The following PRSS36 variants were observed in gnomAD, a reference collection of about 807,000 sequenced individuals.
PRSS36 encodes the protein polyserase-2.
A neutral mutation model predicts 94.3 loss-of-function variants in PRSS36; 90 were observed. That is an observed-to-expected ratio of 0.95 (90% CI 0.80 to 1.14). PRSS36 has a LOEUF of 1.14. Among genes scored for constraint, PRSS36 ranks in the 50% most tolerant of loss-of-function variants. The probability of loss-of-function intolerance (pLI) is 0.00; values close to 1 mark genes in which losing one functional copy is unlikely to be tolerated. For synonymous variants in PRSS36, 500 were observed against 489.6 expected (o/e 1.02, Z -0.28); for missense variants, 1,158 against 1,135.0 (o/e 1.02, Z -0.29).
intron 11 of PRSS36, 33 bp from the exon 12 acceptor site, chr16:31,141,643 C>T: frequency 6.2e-7 from 1 of 1,610,014 alleles, no homozygotes; most frequent in Non-Finnish European, 8.5e-7. Context: ...TCAGTTGGGG[C>T]CCCATGGCTG....
intron 4 of PRSS36, 63 bp from the exon 5 acceptor site, chr16:31,148,738 G>A: frequency 4.4e-6 from 7 of 1,590,242 alleles, no homozygotes; most frequent in Non-Finnish European, 5.1e-6. Flanking sequence ...ACCCTCGTTG[G>A]GGGCAGGGGC....
Position 31,139,113 on chromosome 16 carries a change from G to T in PRSS36, c.*25C>A. 1 of 1,519,718 alleles carries T rather than the reference G, an allele frequency of 6.6e-7. No individual in the cohort carries two copies. Among genetic ancestry groups the T allele is most frequent in the Non-Finnish European group, 8.8e-7 (1 of 1,131,834 alleles). 94.1% of individuals were successfully genotyped at this position (1,519,718 alleles called of 1,614,324 possible). On this transcript the variant is annotated 3_prime_UTR_variant, in exon 15 of 15. Transcript: ENST00000268281. ...CGGGAAGTAGAGGGTGGAGAAGGGG[G>T]AAGTGGTGCTGGGACCCTAGCCCCT...
rs1017467799 is a variant in PRSS36 at position 31,149,733 on chromosome 16, T to C, written c.38-2A>G. 1 of 1,614,074 alleles carries C rather than the reference T, an allele frequency of 6.2e-7. No homozygotes were observed. Among genetic ancestry groups the C allele is most frequent in the African/African-American group, 1.3e-5 (1 of 74,928 alleles). On this transcript the variant is annotated splice_acceptor_variant, in intron 1 of 14. Coordinates refer to ENST00000268281, the MANE Select transcript of PRSS36 (RefSeq NM_173502.5). LOFTEE classifies it high-confidence loss of function. ...AGGCTCCTGGGATGGGACTGATGACTGGAAAGACAGAGGTAGGCAGGAAGA... is the reference window on the plus strand; with the variant it reads ...AGGCTCCTGGGATGGGACTGATGACCGGAAAGACAGAGGTAGGCAGGAAGA...
At position 31,149,148 on chromosome 16, in the gene PRSS36, T is replaced by C. The variant is rs1395343210; in HGVS notation, c.197A>G (p.His66Arg). 1 of 1,578,864 alleles carries C rather than the reference T, an allele frequency of 6.3e-7. No homozygotes were observed. Among genetic ancestry groups the C allele is most frequent in the South Asian group, 1.2e-5 (1 of 86,262 alleles). ...GCCCCCGCAGATGTGGCCACCTCCA[T>C]GGTGCAGGCTCACTTGCCAAGGCCA... is the stretch of plus-strand genomic sequence containing the variant. ...GTWPWQVSLH[H>R]GGGHICGGSL... The change falls in exon 4 of 15, where the codon CAT (histidine) becomes CGT (arginine). Residue 66 changes from histidine (H) to arginine (R), a missense_variant. Transcript: ENST00000268281.
In PRSS36 at chr16:31,139,390, G is replaced by C; in HGVS notation, c.2316C>G (p.Cys772Trp). 2 of 1,614,018 alleles carry C rather than the reference G, an allele frequency of 1.2e-6. No individual in the cohort carries two copies. Among genetic ancestry groups the C allele is most frequent in the Non-Finnish European group, 1.7e-6 (2 of 1,179,934 alleles). ...CEMTSAPPLL[C>W]QMTEGSWILV... ...GGATCCAGGACCCTTCCGTCATCTG[G>C]CACAGGAGGGGCGGTGCTGAGGTCA... Residue 772 changes from cysteine to tryptophan, a missense_variant, in exon 15 of 15, where the codon TGC (cysteine) becomes TGG (tryptophan). Coordinates refer to ENST00000268281, the MANE Select transcript of PRSS36 (RefSeq NM_173502.5).
Position 31,150,066 on chromosome 16 carries a change from T to G in PRSS36, c.-31A>C, listed in dbSNP as rs1189844601. 2 of 1,611,676 alleles carry G rather than the reference T, an allele frequency of 1.2e-6. No homozygotes were observed. The highest frequency in any genetic ancestry group is 4.5e-5 in the East Asian group (2 of 44,870). ...TAGAGTCAGCGGAGGCAGAGCCAAG[T>G]GAAGGTCTGCTCCCTGCAGGGCTCT... On this transcript the variant is annotated 5_prime_UTR_variant, in exon 1 of 15. Transcript: ENST00000268281.
intron 5 of PRSS36, among the ~76,000 whole-genome samples, chr16:31,147,090 C>G (rs962527643): frequency 4.6e-5 from 7 of 152,080 alleles, no homozygotes; most frequent in African/African-American, 1.7e-4. Flanking sequence ...CCTGGGCGTC[C>G]CTGGAGCTGG....
In PRSS36 at chr16:31,142,016, G is replaced by A. The variant is rs577240699; in HGVS notation, c.1522-56C>T. The A allele has an allele frequency of 1.3e-4, 200 of 1,506,478 alleles. No homozygotes were observed. In the African/African-American group the frequency reaches 2.5e-3, roughly 19 times the overall value. 93.3% of individuals were successfully genotyped at this position (1,506,478 alleles called of 1,614,324 possible). A position where few individuals can be genotyped will look rare whatever the true frequency, so the allele number is the denominator to read the frequency against. On this transcript the variant is annotated intron_variant, in intron 10 of 14. Coordinates refer to ENST00000268281, the MANE Select transcript of PRSS36 (RefSeq NM_173502.5). The stretch of plus-strand genomic sequence containing the variant: ...CTCTGCGTGTGTGCAGAGAATATCA[G>A]AGCTCCTGGGGCTTTCCAGGACTCC...
chr16:31,146,169 T>C (rs1310691400), intron 5 of PRSS36, among the ~76,000 whole-genome samples: 1 of 152,254 alleles, frequency 6.6e-6, no homozygotes, highest in Admixed American at 6.5e-5. Context: ...TAGTGAGAGC[T>C]GCCATGCATG....
At chr16:31,149,024 GGGGGCCAGCTTTTGGCGGAGA>G in intron 4 of PRSS36, 28 bp downstream of exon 4, 1 of 1,517,430 alleles carries the variant, frequency 6.6e-7, no homozygotes. Context: ...CTGCGGGGGC[GGGGGCCAGCTTTTGGCGGAGA>G]GGGGCCAGGA....
Position 31,148,692 on chromosome 16 carries a change from C to T in PRSS36, c.273-17G>A. On this transcript the variant is annotated splice_polypyrimidine_tract_variant and intron_variant, in intron 4 of 14. Transcript: ENST00000268281. ...GTCCCATTCCTGCGCTCGACCGGGG[C>T]AGTAGGAGGTTAGGTTGACCCTATG... 1.9e-6 allele frequency: 3 copies of T among 1,611,256 alleles called. No individual in the cohort carries two copies. The highest frequency in any genetic ancestry group is 2.5e-6 in the Non-Finnish European group (3 of 1,179,202).
rs372553600 is a variant in PRSS36 at position 31,139,262 on chromosome 16, G to A, written c.2444C>T (p.Pro815Leu). 2 of 1,614,164 alleles carry A rather than the reference G, an allele frequency of 1.2e-6. No homozygotes were observed. The highest frequency in any genetic ancestry group is 1.7e-6 in the Non-Finnish European group (2 of 1,180,012). Residue 815 changes from proline to leucine, a missense_variant, in exon 15 of 15, where the codon CCC becomes CTC. Pro to Leu is a moderately conservative substitution (Grantham distance 98). Transcript: ENST00000268281. ...QTVGEANFLP[P>L]SGSPHWPTGG... ...AGTGGGCCAGTGTGGGGAGCCACTG[G>A]GGGGCAGGAAGTTGGCCTCTCCCAC...
At chr16:31,146,064 C>T in intron 5 of PRSS36, 109 bp from the exon 6 acceptor site, 1 of 998,518 alleles carries the variant, frequency 1.0e-6, no homozygotes. Context: ...GCTAGATGCC[C>T]CATGGCCTCT....
chr16:31,140,555 G>C lies in PRSS36; in HGVS notation c.2104C>G (p.Pro702Ala). 1 of 1,590,284 alleles carries C rather than the reference G, an allele frequency of 6.3e-7. No individual in the cohort carries two copies. The highest frequency in any genetic ancestry group is 8.6e-7 in the Non-Finnish European group (1 of 1,168,044). Residue 702 changes from proline (P) to alanine (A), a missense_variant, in exon 13 of 15, where the codon CCG becomes GCG. Coordinates refer to ENST00000268281, the MANE Select transcript of PRSS36 (RefSeq NM_173502.5). The part of the protein sequence containing the change: ...SPSALPICLH[P>A]AGIPPGASCW... ...CTGGCCCCCGGGGGGATACCCGCCG[G>C]GTGGAGACAGATGGGCAGGGCTGAT... is the stretch of plus-strand genomic sequence containing the variant.
chr16:31,142,155 A>G (rs914864682), intron 10 of PRSS36, among the ~76,000 whole-genome samples, 195 bp from the exon 11 acceptor site: 1 of 152,210 alleles, frequency 6.6e-6, no homozygotes, highest in Non-Finnish European at 1.5e-5. Flanking sequence ...ATCCAGAGAT[A>G]GAGAGAAACC....
rs1413702382 is a variant in PRSS36, at chr16:31,148,680, G to A, written c.273-5C>T. ...GCGGGCTCCAGCGTCCCATTCCTGC[G>A]CTCGACCGGGGCAGTAGGAGGTTAG... On this transcript the variant is annotated splice_region_variant and splice_polypyrimidine_tract_variant and intron_variant, in intron 4 of 14. Transcript: ENST00000268281. The A allele has an allele frequency of 6.2e-7, 1 of 1,612,130 alleles. No individual in the cohort carries two copies.
intron 3 of PRSS36, 106 bp downstream of exon 3, chr16:31,149,357 T>C (rs750368118): frequency 9.1e-6 from 14 of 1,541,714 alleles, no homozygotes; most frequent in Non-Finnish European, 1.2e-5. Context: ...ACAAAGAACA[T>C]AGAGGACCCA....
intron 1 of PRSS36, 26 bp downstream of exon 1, chr16:31,149,973 C>A (rs1182466931): frequency 1.9e-6 from 3 of 1,612,614 alleles, no homozygotes; most frequent in Non-Finnish European, 2.5e-6. Flanking sequence ...AGGCCCTTTG[C>A]AGCCACTCTT....
chr16:31,139,629 C>T (rs1050090346), intron 14 of PRSS36, among the ~76,000 whole-genome samples: 1 of 152,122 alleles, frequency 6.6e-6, no homozygotes, highest in East Asian at 1.9e-4. Flanking sequence ...CCTCTAATCC[C>T]AACCCTTTGG....
Sources: gnomAD v4.1 joint callset for allele counts (sites outside exome capture counted in the v4.1 genomes callset) on GRCh38, gnomAD v4.1.1 for gene constraint, MANE v1.5 for transcripts, NCBI Gene and HGNC (gene_info 2026-07-23, HGNC 2026-07-21) for gene names.